The following EXOC3 variants were observed in gnomAD, a reference collection of about 807,000 sequenced individuals.
EXOC3 encodes the protein exocyst complex component 3.
A neutral mutation model predicts 73.7 loss-of-function variants in EXOC3; 21 were observed. The observed-to-expected ratio is 0.29, with a 90% confidence interval of 0.20 to 0.41. The LOEUF (loss-of-function observed/expected upper bound fraction) is 0.41. Among genes scored for constraint, EXOC3 ranks in the 10% least tolerant of loss-of-function variants. The pLI, the probability that EXOC3 is intolerant of heterozygous loss-of-function variation, is 1.00. For missense variants in EXOC3, 842 were observed against 985.1 expected (o/e 0.85, Z 1.95); for synonymous variants, 410 against 389.1 (o/e 1.05, Z -0.63).
intron 3 of EXOC3, among the ~76,000 whole-genome samples, chr5:448,443 G>A (rs141448506): frequency 5.9e-5 from 9 of 152,300 alleles, no homozygotes; most frequent in East Asian, 1.9e-4. Context: ...TCTGTGTCAA[G>A]GTCAGCAGCA....
intron 3 of EXOC3, among the ~76,000 whole-genome samples, chr5:448,105 GA>G (rs1314154979): frequency 7.9e-5 from 12 of 152,228 alleles, no homozygotes; most frequent in African/African-American, 2.4e-4. Context: ...TGCTTAAAAG[GA>G]GCTGCAGGAG....
chr5:466,861 T>C lies in EXOC3; in HGVS notation c.2201T>C (p.Val734Ala). The change falls in exon 13 of 13, where the codon GTG becomes GCG. Residue 734 changes from valine (V) to alanine (A), a missense_variant. Coordinates refer to ENST00000512944, the MANE Select transcript of EXOC3 (RefSeq NM_007277.5). The stretch of plus-strand genomic sequence containing the variant: ...TACGTGCCCCTCTTCAAGGACATTG[T>C]GGTGCCCAGCCTGAACGTGGCCAAG... Reference protein sequence around the residue: ...PSYVPLFKDIVVPSLNVAKLL... With the variant: ...PSYVPLFKDIAVPSLNVAKLL... 1 of 1,612,062 alleles carries C rather than the reference T, an allele frequency of 6.2e-7. No homozygotes were observed. Among genetic ancestry groups the C allele is most frequent in the South Asian group, 1.1e-5 (1 of 90,764 alleles).
At position 447,724 on chromosome 5, in the gene EXOC3, C is replaced by A; in HGVS notation, c.336C>A (p.Ala112=). The A allele has an allele frequency of 6.3e-7, 1 of 1,576,394 alleles. No homozygotes were observed. Residue 112 remains alanine, a synonymous_variant, in exon 3 of 13, where the codon GCC becomes GCA. Coordinates refer to ENST00000512944, the MANE Select transcript of EXOC3 (RefSeq NM_007277.5). ...TGCAGCACAGCCAGCTCGCCGCAGC[C>A]GTGGAGAACCTCAAGAACATCTTCT... ...AVVQHSQLAA[A]VENLKNIFSV...
In EXOC3 at chr5:462,165, T is replaced by C. The variant is rs1738007091; in HGVS notation, c.1511T>C (p.Ile504Thr). The change falls in exon 9 of 13, where the codon ATA becomes ACA. Residue 504 changes from isoleucine to threonine, a missense_variant. Physicochemically the swap from Ile to Thr is moderately conservative, Grantham distance 89 (BLOSUM62 -1). Coordinates refer to ENST00000512944, the MANE Select transcript of EXOC3 (RefSeq NM_007277.5). ...GAACCCTTTCCTTGCAGGGAATCCA[T>C]AGTCAGTTTAAAAAGAAAGTATTTA... ...INNCQTFKES[I>T]VSLKRKYLKN... The C allele has an allele frequency of 6.2e-7, 1 of 1,613,862 alleles. No homozygotes were observed. The highest frequency in any genetic ancestry group is 8.5e-7 in the Non-Finnish European group (1 of 1,179,840).
intron 1 of EXOC3, among the ~76,000 whole-genome samples, chr5:445,713 G>A (rs1409739451): frequency 6.6e-6 from 1 of 152,188 alleles, no homozygotes; most frequent in Non-Finnish European, 1.5e-5. Flanking sequence ...TCCAGCTGTG[G>A]TACCTGGTCG....
Position 447,676 on chromosome 5 carries a change from C to T in EXOC3, c.288C>T (p.Leu96=), listed in dbSNP as rs759471607. 5.7e-6 allele frequency: 9 copies of T among 1,590,478 alleles called. No individual in the cohort carries two copies. The East Asian group carries it at 1.8e-4, about 33-fold the overall frequency. The change falls in exon 3 of 13, where the codon CTC becomes CTT. Residue 96 remains leucine (L), a synonymous_variant. Coordinates refer to ENST00000512944, the MANE Select transcript of EXOC3 (RefSeq NM_007277.5). ...WRQSINTIES[L]KDVKDAVVQH... ...AGAGCATCAACACCATTGAGAGCCT[C>T]AAGGACGTCAAAGACGCCGTGGTGC...
At chr5:446,925 C>T (rs1289675865) in intron 2 of EXOC3, 1 of 154,824 alleles carries the variant, frequency 6.5e-6, no homozygotes, top group African/African-American at 2.4e-5. Context: ...TTAAACAATA[C>T]TGGAGGAAGG....
intron 9 of EXOC3, 35 bp from the exon 10 acceptor site, chr5:464,255 G>A: frequency 1.2e-6 from 2 of 1,605,372 alleles, no homozygotes; most frequent in South Asian, 2.2e-5. Flanking sequence ...GGGACGTTGA[G>A]GTGATGATTT....
intron 3 of EXOC3, among the ~76,000 whole-genome samples, chr5:451,431 AAATT>A (rs537031846): frequency 1.4e-3 from 214 of 152,320 alleles, no homozygotes; most frequent in African/African-American, 4.8e-3. Flanking sequence ...TCATTTTTAA[AAATT>A]AGGTAGAAAA....
Position 457,472 on chromosome 5 carries a change from A to G in EXOC3, c.1165-428A>G, listed in dbSNP as rs141276778. ...CACCTAGCAAGGCAGCATTATGACC[A>G]GAAGCCGAGGTGTCCTCAGGAGCTG... On this transcript the variant is annotated intron_variant, in intron 5 of 12. Coordinates refer to ENST00000512944, the MANE Select transcript of EXOC3 (RefSeq NM_007277.5). 3.3e-3 allele frequency: 762 copies of G among 231,192 alleles called. 2 individuals carry two copies. Among genetic ancestry groups the G allele is most frequent in the South Asian group, 7.2e-3 (113 of 15,626 alleles). 14.3% of individuals were successfully genotyped at this position (231,192 alleles called of 1,614,324 possible).
chr5:451,272 G>T (rs1393769395), intron 3 of EXOC3, among the ~76,000 whole-genome samples: 1 of 152,066 alleles, frequency 6.6e-6, no homozygotes, highest in African/African-American at 2.4e-5. Context: ...GCTTCAGTTT[G>T]AATTTATATC....
chr5:464,403 G>A lies in EXOC3; in HGVS notation c.1767G>A (p.Pro589=), dbSNP rs763792827. Residue 589 remains proline, a synonymous_variant, in exon 10 of 13, where the codon CCG becomes CCA. Transcript: ENST00000512944. Reference sequence around the variant, plus strand: ...ACGATTTTGCCAAAATTAAAAAGCCGTATAAGAAGGTAAGAAGGTGGGACC... The same window carrying A: ...ACGATTTTGCCAAAATTAAAAAGCCATATAAGAAGGTAAGAAGGTGGGACC... ...YFNDFAKIKK[P]YKKRMTAEAH... 6.8e-6 allele frequency: 11 copies of A among 1,613,330 alleles called. No homozygotes were observed. The highest frequency in any genetic ancestry group is 5.0e-5 in the Admixed American group (3 of 59,990).
chr5:453,237 C>T, intron 3 of EXOC3, 133 bp from the exon 4 acceptor site: 2 of 651,006 alleles, frequency 3.1e-6, no homozygotes, highest in South Asian at 2.0e-5. Context: ...ACCTCAGACA[C>T]ATCCTGCCAT....
At chr5:448,912 CAGAA>C (rs1737580408) in intron 3 of EXOC3, among the ~76,000 whole-genome samples, 1 of 152,254 alleles carries the variant, frequency 6.6e-6, no homozygotes, top group African/African-American at 2.4e-5. Flanking sequence ...GCTGCCAACT[CAGAA>C]AGCAGCTCTT....
chr5:445,598 C>G (rs1469115064), intron 1 of EXOC3, among the ~76,000 whole-genome samples: 1 of 152,210 alleles, frequency 6.6e-6, no homozygotes, highest in African/African-American at 2.4e-5. Flanking sequence ...TCGTGATCCA[C>G]CCGCCTCGGC....
Position 458,007 on chromosome 5 carries a change from C to A in EXOC3, c.1272C>A (p.Leu424=), listed in dbSNP as rs751540829. Residue 424 remains leucine (L), a synonymous_variant, in exon 6 of 13, where the codon CTC becomes CTA. Coordinates refer to ENST00000512944, the MANE Select transcript of EXOC3 (RefSeq NM_007277.5). ...AGGACGGGTACTACCAGACCACACT[C>A]CCTGCCATTGTCTTCCAGGTACCAC... ...ADQDGYYQTT[L]PAIVFQMFEQ... 3 of 1,612,616 alleles carry A rather than the reference C, an allele frequency of 1.9e-6. No homozygotes were observed. The highest frequency in any genetic ancestry group is 2.5e-6 in the Non-Finnish European group (3 of 1,179,278).
At position 445,251 on chromosome 5, in the gene EXOC3, G is replaced by A. The variant is rs551020443; in HGVS notation, c.-56-899G>A. 1.4e-3 allele frequency among the ~76,000 whole-genome samples: 220 copies of A among 152,348 alleles called. 1 individual carries two copies. The highest frequency in any genetic ancestry group is 2.7e-3 in the Non-Finnish European group (182 of 68,022). Reference sequence around the variant, plus strand: ...TCTGAGCACCTGTGGTCTGCACGGGGCCTGCATAAAGGAGGGAAGCATGAT... The same window carrying A: ...TCTGAGCACCTGTGGTCTGCACGGGACCTGCATAAAGGAGGGAAGCATGAT... On this transcript the variant is annotated intron_variant, in intron 1 of 12. Transcript: ENST00000512944.
chr5:444,580 A>G (rs1025460476), intron 1 of EXOC3, among the ~76,000 whole-genome samples: 6 of 129,162 alleles, frequency 4.6e-5, no homozygotes, highest in African/African-American at 1.3e-4. Context: ...ATAAGAAAAC[A>G]AAAGTGTGCA....
At position 462,224 on chromosome 5, in the gene EXOC3, C is replaced by T. The variant is rs746548341; in HGVS notation, c.1570C>T (p.Gln524Ter). 6.2e-7 allele frequency: 1 copy of T among 1,613,964 alleles called. No homozygotes were observed. Among genetic ancestry groups the T allele is most frequent in the South Asian group, 1.1e-5 (1 of 91,088 alleles). Residue 524 changes from glutamine to a stop codon, truncating the protein, a stop_gained, in exon 9 of 13, where the codon CAG becomes TAG. Transcript: ENST00000512944. LOFTEE classifies it high-confidence loss of function. ...NEVEEGVSPSQPSMDGILDAI... is the reference protein window; with the variant it reads ...NEVEEGVSPS ...AGTGGAAGAGGGTGTGTCTCCGAGC[C>T]AGCCCAGCATGGACGGGATTTTAGA...
Sources: gnomAD v4.1 joint callset for allele counts (sites outside exome capture counted in the v4.1 genomes callset) on GRCh38, gnomAD v4.1.1 for gene constraint, MANE v1.5 for transcripts, NCBI Gene and HGNC (gene_info 2026-07-23, HGNC 2026-07-21) for gene names.